EBF4: variants seen among roughly 807,000 people sequenced by gnomAD.
EBF4 encodes the protein transcription factor COE4.
EBF4 carries 34 observed loss-of-function variants against 67.1 expected under a neutral mutation model. The ratio of observed to expected loss-of-function variants is 0.51; its 90% CI spans 0.39 to 0.67. EBF4 has a LOEUF of 0.67. EBF4 is among the 30% of genes least tolerant of loss of function. EBF4 has a pLI of 0.00. For synonymous variants in EBF4, 387 were observed against 377.7 expected (o/e 1.02, Z -0.29); for missense variants, 837 against 873.3 (o/e 0.96, Z 0.52).
chr20:2,734,156 C>A (rs1003484725), intron 6 of EBF4, among the ~76,000 whole-genome samples: 1 of 152,028 alleles, frequency 6.6e-6, no homozygotes, highest in African/African-American at 2.4e-5. Context: ...TCCTATAATC[C>A]CAGCATTTTG....
chr20:2,709,689 A>C, intron 6 of EBF4, 47 bp downstream of exon 6: 1 of 1,475,248 alleles, frequency 6.8e-7, no homozygotes, highest in South Asian at 1.3e-5. Context: ...AGAGTGGGGG[A>C]GGGGCAGCTG....
intron 6 of EBF4, among the ~76,000 whole-genome samples, 154 bp from the exon 7 acceptor site, chr20:2,748,395 A>G (rs2088084949): frequency 6.6e-6 from 1 of 152,078 alleles, no homozygotes. Context: ...ACCCTGGTAT[A>G]TGGAGGCCAT....
At chr20:2,706,153 C>T (rs904836694) in intron 3 of EBF4, 56 bp from the exon 4 acceptor site, 14 of 1,550,750 alleles carry the variant, frequency 9.0e-6, no homozygotes, top group Non-Finnish European at 1.2e-5. Context: ...GTGGTCTGGT[C>T]ATTGAGGCTG....
intron 1 of EBF4, among the ~76,000 whole-genome samples, chr20:2,700,382 C>T (rs1330222120): frequency 1.3e-5 from 2 of 152,168 alleles, no homozygotes; most frequent in African/African-American, 4.8e-5. Context: ...TCCCCCTTCT[C>T]TCCCCCTTTC....
Position 2,693,708 on chromosome 20 carries a change from G to A in EBF4, c.63G>A (p.Leu21=). 1 of 1,418,532 alleles carries A rather than the reference G, an allele frequency of 7.0e-7. No homozygotes were observed. Among genetic ancestry groups the A allele is most frequent in the Non-Finnish European group, 9.2e-7 (1 of 1,092,232 alleles). The allele number at this position is 1,418,532 out of a possible 1,614,324, so 87.9% of individuals were successfully genotyped here. Residue 21 remains leucine (L), a synonymous_variant, in exon 1 of 17, where the codon CTG becomes CTA. Transcript: ENST00000609451. This position sits in a 1 kb window ranked among gnomAD's most constrained non-coding sequence, Gnocchi z 4.6. ...TGAACCTGAAGGAGGAGCCGCTGCT[G>A]CCCGCCGGCCTGGGCTCAGTGCGCT... is the stretch of plus-strand genomic sequence containing the variant.
At chr20:2,728,831 A>T (rs1392625290) in intron 6 of EBF4, among the ~76,000 whole-genome samples, 1 of 152,022 alleles carries the variant, frequency 6.6e-6, no homozygotes, top group African/African-American at 2.4e-5. Flanking sequence ...GGAAACCTTT[A>T]GCTAATCTTT....
chr20:2,759,201 G>A lies in EBF4; in HGVS notation c.*6-67G>A. 4 of 572,992 alleles carry A rather than the reference G, an allele frequency of 7.0e-6. No individual in the cohort carries two copies. In the South Asian group the frequency reaches 9.1e-5, roughly 13 times the overall value. 35.5% of individuals were successfully genotyped at this position (572,992 alleles called of 1,614,324 possible). On this transcript the variant is annotated intron_variant, in intron 16 of 16. Transcript: ENST00000609451. ...CCAAGCTGACCAGGTAGAGAGAAGT[G>A]GCTTCCTGTCCCCTGGCAGCCAGCC...
chr20:2,753,751 C>G (rs1245919847), intron 14 of EBF4, among the ~76,000 whole-genome samples: 1 of 152,226 alleles, frequency 6.6e-6, no homozygotes, highest in East Asian at 1.9e-4. Flanking sequence ...TGCCTGCTTT[C>G]TGGCTGAAGG....
intron 15 of EBF4, among the ~76,000 whole-genome samples, chr20:2,757,061 G>GAT (rs2088256143): frequency 6.6e-6 from 1 of 152,306 alleles, no homozygotes; most frequent in Admixed American, 6.5e-5. Flanking sequence ...ACAAGAGCAA[G>GAT]GCCAGTGGCT....
intron 6 of EBF4, among the ~76,000 whole-genome samples, chr20:2,711,545 G>T (rs758642089): frequency 3.3e-4 from 50 of 152,198 alleles, no homozygotes; most frequent in Non-Finnish European, 8.8e-5. Flanking sequence ...CTCTGTAGGG[G>T]TTATACCAAC....
chr20:2,721,246 C>CTTTTTTTT (rs146844927), intron 6 of EBF4, among the ~76,000 whole-genome samples: 2 of 108,122 alleles, frequency 1.8e-5, no homozygotes, highest in Admixed American at 1.0e-4. Flanking sequence ...TGATTCTCTT[C>CTTTTTTTT]TTTTTTTTTT....
In EBF4 at chr20:2,750,487, G is replaced by T. The variant is rs1346987343; in HGVS notation, c.1018+514G>T. Among the ~76,000 whole-genome samples the T allele has an allele frequency of 3.9e-5, 6 of 152,194 alleles. No individual in the cohort carries two copies. The East Asian group carries it at 1.2e-3, about 30-fold the overall frequency. ...GGCGAGCAGTGAACACACGTGGAGA[G>T]GCAGTGTAGAACCCCCCAGCCTGGC... On this transcript the variant is annotated intron_variant, in intron 10 of 16. Coordinates refer to ENST00000609451, the Ensembl canonical transcript of EBF4.
chr20:2,749,300 C>T (rs747038739), intron 7 of EBF4, 101 bp from the exon 8 acceptor site: 7 of 884,528 alleles, frequency 7.9e-6, no homozygotes, highest in Non-Finnish European at 1.2e-5. Flanking sequence ...CCCTAAATTC[C>T]AGCATCCAAC....
chr20:2,757,351 C>T (rs1248737544), intron 15 of EBF4, among the ~76,000 whole-genome samples: 1 of 152,226 alleles, frequency 6.6e-6, no homozygotes, highest in East Asian at 1.9e-4. Flanking sequence ...GTGCTGATGC[C>T]CTGCCCTGCA....
chr20:2,752,453 TG>T lies in EBF4; in HGVS notation c.1451del (p.Gly484AlafsTer63). 1.6e-6 allele frequency: 2 copies of T among 1,274,466 alleles called. No homozygotes were observed. Among genetic ancestry groups the T allele is most frequent in the Non-Finnish European group, 2.0e-6 (2 of 1,011,374 alleles). 78.9% of individuals were successfully genotyped at this position (1,274,466 alleles called of 1,614,324 possible). On this transcript the variant is annotated frameshift_variant, in exon 14 of 17. Transcript: ENST00000609451. LOFTEE classifies it high-confidence loss of function. ...TACGGCGGCGGCCTCGGAGCTGGCC[TG>T]GGCGGCTACGGCGCGCCGGGCGTGG...
At position 2,755,815 on chromosome 20, in the gene EBF4, G is replaced by T. The variant is rs1367592614; in HGVS notation, c.1729G>T (p.Gly577Trp). ...GGCCTGCCCCAGAGCCCACGGAGAG[G>T]GGCTTCCAGGTGAGTGATCCACCCT... The change falls in exon 15 of 17, where the codon GGG (glycine) becomes TGG (tryptophan). Residue 577 changes from glycine to tryptophan, a missense_variant. Gly to Trp is a radical substitution (Grantham distance 184). Transcript: ENST00000609451. This position sits in a 1 kb window ranked among gnomAD's most constrained non-coding sequence, Gnocchi z 4.7. 7 of 1,547,148 alleles carry T rather than the reference G, an allele frequency of 4.5e-6. No homozygotes were observed. Among genetic ancestry groups the T allele is most frequent in the Non-Finnish European group, 1.7e-6 (2 of 1,146,800 alleles).
At chr20:2,710,054 T>C (rs2087520691) in intron 6 of EBF4, among the ~76,000 whole-genome samples, 2 of 152,232 alleles carry the variant, frequency 1.3e-5, no homozygotes, top group Non-Finnish European at 2.9e-5. Context: ...CATTCGTTTC[T>C]TTCACTGGAA....
chr20:2,707,377 G>GACA lies in EBF4; in HGVS notation c.415-570_415-569insACA, dbSNP rs2087473324. The stretch of plus-strand genomic sequence containing the variant: ...TGGGCAGAGGGAGGCTGGAAGACTG[G>GACA]TGAGGAGGTGATGCAGCAGTCCCAG... On this transcript the variant is annotated intron_variant, in intron 4 of 16. Coordinates refer to ENST00000609451, the Ensembl canonical transcript of EBF4. This position sits in a 1 kb window ranked among gnomAD's most constrained non-coding sequence, Gnocchi z 4.6. Among the ~76,000 whole-genome samples the GACA allele has an allele frequency of 6.6e-6, 1 of 152,146 alleles. No homozygotes were observed. Among genetic ancestry groups the GACA allele is most frequent in the Non-Finnish European group, 1.5e-5 (1 of 68,030 alleles).
At position 2,751,629 on chromosome 20, in the gene EBF4, C is replaced by A; in HGVS notation, c.1019-71C>A. The A allele has an allele frequency of 6.8e-7, 1 of 1,478,468 alleles. No individual in the cohort carries two copies. The highest frequency in any genetic ancestry group is 9.2e-7 in the Non-Finnish European group (1 of 1,083,816). The allele number at this position is 1,478,468 out of a possible 1,614,324, so 91.6% of individuals were successfully genotyped here. ...GGACTGGGCGCTGGCCTGCTTTTGG[C>A]GCCCTGCGTCTCACCCTGGGAGTGG... On this transcript the variant is annotated intron_variant, in intron 10 of 16. Coordinates refer to ENST00000609451, the Ensembl canonical transcript of EBF4. The surrounding 1 kb of genome is among the most constrained non-coding windows in gnomAD (Gnocchi z 5.2).
Sources: allele counts gnomAD v4.1 joint callset (sites outside exome capture counted in the v4.1 genomes callset), GRCh38; gene constraint gnomAD v4.1.1; non-coding constraint Gnocchi (gnomAD v3.1); transcripts MANE v1.5; gene names NCBI Gene and HGNC (gene_info 2026-07-23, HGNC 2026-07-21).